ATP10A: variants seen among roughly 807,000 people sequenced by gnomAD.
The protein encoded by ATP10A is ATPase phospholipid transporting 10A (putative).
A neutral mutation model predicts 147.8 loss-of-function variants in ATP10A; 111 were observed. The observed-to-expected ratio is 0.75, with a 90% CI of 0.64 to 0.88. The LOEUF (loss-of-function observed/expected upper bound fraction) is 0.88. ATP10A is among the 40% of genes least tolerant of loss of function. ATP10A has a pLI of 0.00. For missense variants in ATP10A, 1,927 were observed against 1,959.0 expected (o/e 0.98, Z 0.31); for synonymous variants, 875 against 841.6 (o/e 1.04, Z -0.69).
At chr15:25,726,719 A>T (rs1395267845) in intron 4 of ATP10A, among the ~76,000 whole-genome samples, 1 of 150,938 alleles carries the variant, frequency 6.6e-6, no homozygotes, top group Non-Finnish European at 1.5e-5. Flanking sequence ...CTGGGATTAC[A>T]GGCGTGAGTC....
At chr15:25,829,825 G>A (rs1258449878) in intron 1 of ATP10A, among the ~76,000 whole-genome samples, 1 of 152,128 alleles carries the variant, frequency 6.6e-6, no homozygotes, top group Non-Finnish European at 1.5e-5. Context: ...GGACACAGTG[G>A]GCCACCAGGT....
intron 1 of ATP10A, chr15:25,841,880 A>T (rs1321055917): frequency 6.6e-6 from 1 of 152,242 alleles, no homozygotes; most frequent in Non-Finnish European, 1.5e-5. Context: ...ACAGAAATGC[A>T]GTCAATTCAT....
intron 13 of ATP10A, among the ~76,000 whole-genome samples, chr15:25,695,628 C>T (rs1380449684): frequency 6.6e-6 from 1 of 151,126 alleles, no homozygotes; most frequent in East Asian, 2.0e-4. Flanking sequence ...GACTCTGTCT[C>T]AAAAAAAAGA....
intron 1 of ATP10A, among the ~76,000 whole-genome samples, chr15:25,849,485 C>G (rs1380168739): frequency 6.6e-6 from 1 of 152,140 alleles, no homozygotes. Context: ...CAGACACCAC[C>G]CTCCCTCCTT....
chr15:25,703,235 G>A (rs1223156268), intron 12 of ATP10A, among the ~76,000 whole-genome samples: 1 of 152,174 alleles, frequency 6.6e-6, no homozygotes, highest in Non-Finnish European at 1.5e-5. Flanking sequence ...GTGGGTGCCT[G>A]TAATCCCAGC....
At chr15:25,795,505 C>T (rs1478498849) in intron 1 of ATP10A, among the ~76,000 whole-genome samples, 1 of 152,104 alleles carries the variant, frequency 6.6e-6, no homozygotes, top group East Asian at 1.9e-4. Flanking sequence ...TTTTGGATTT[C>T]TGATGAAGGG....
intron 15 of ATP10A, among the ~76,000 whole-genome samples, chr15:25,689,362 C>G (rs576750394): frequency 6.6e-6 from 1 of 152,222 alleles, no homozygotes; most frequent in Admixed American, 6.5e-5. Flanking sequence ...CCAGAGCTCA[C>G]GAAGACAGAA....
At chr15:25,810,442 A>G (rs1047208105) in intron 1 of ATP10A, among the ~76,000 whole-genome samples, 5 of 152,140 alleles carry the variant, frequency 3.3e-5, no homozygotes, top group African/African-American at 1.2e-4. Flanking sequence ...AAATCTGAGG[A>G]TGTCCTAGGA....
At chr15:25,783,409 T>G (rs1890016524) in intron 1 of ATP10A, among the ~76,000 whole-genome samples, 1 of 152,084 alleles carries the variant, frequency 6.6e-6, no homozygotes, top group South Asian at 2.1e-4. Context: ...TATGGAGAGT[T>G]TGCAGAGCTA....
At chr15:25,855,689 G>GCTT (rs1893488148) in intron 1 of ATP10A, among the ~76,000 whole-genome samples, 1 of 152,106 alleles carries the variant, frequency 6.6e-6, no homozygotes, top group Non-Finnish European at 1.5e-5. Flanking sequence ...TTATACTGGA[G>GCTT]CTTCTAGCCA....
Position 25,827,456 on chromosome 15 carries a change from A to G in ATP10A, c.449+35192T>C, listed in dbSNP as rs114376113. 1.5e-3 allele frequency among the ~76,000 whole-genome samples: 236 copies of G among 152,374 alleles called. 2 individuals carry two copies. Among genetic ancestry groups the G allele is most frequent in the African/African-American group, 5.5e-3 (227 of 41,592 alleles). ...CATTTACAAATCTATGTTGATGGGC[A>G]TACAAGGTATACAAGATGTAATTGA... On this transcript the variant is annotated intron_variant, in intron 1 of 20. Transcript: ENST00000555815.
chr15:25,816,567 T>C (rs768132843), intron 1 of ATP10A, among the ~76,000 whole-genome samples: 1 of 152,192 alleles, frequency 6.6e-6, no homozygotes, highest in Non-Finnish European at 1.5e-5. Context: ...AAAAATATTT[T>C]CACAAGTACT....
At chr15:25,681,436 T>C (rs1048370192) in intron 17 of ATP10A, among the ~76,000 whole-genome samples, 1 of 152,192 alleles carries the variant, frequency 6.6e-6, no homozygotes, top group African/African-American at 2.4e-5. Flanking sequence ...CCTCGCTAAA[T>C]ATGCACATAG....
upstream of ATP10A, among the ~76,000 whole-genome samples, chr15:25,863,467 A>G (rs2140933420): frequency 6.6e-6 from 1 of 152,288 alleles, no homozygotes; most frequent in African/African-American, 2.4e-5. Context: ...AAAAAGCCCG[A>G]GCTGGAAACT....
chr15:25,700,104 T>C (rs143193773), intron 13 of ATP10A, among the ~76,000 whole-genome samples: 11 of 152,298 alleles, frequency 7.2e-5, no homozygotes, highest in Admixed American at 2.6e-4. Flanking sequence ...AAGAGGATAT[T>C]TGAATGGAAA....
chr15:25,799,780 G>C (rs940200590), intron 1 of ATP10A, among the ~76,000 whole-genome samples: 1 of 152,058 alleles, frequency 6.6e-6, no homozygotes, highest in African/African-American at 2.4e-5. Flanking sequence ...AGTACATATA[G>C]CTTCAGGGCA....
At chr15:25,693,885 C>T (rs1232952392) in intron 14 of ATP10A, among the ~76,000 whole-genome samples, 2 of 152,240 alleles carry the variant, frequency 1.3e-5, no homozygotes, top group Non-Finnish European at 2.9e-5. Flanking sequence ...GAACAGGCAG[C>T]AATCTCCATG....
In ATP10A at chr15:25,807,374, G is replaced by A. The variant is rs543043109; in HGVS notation, c.450-26151C>T. 9.2e-5 allele frequency among the ~76,000 whole-genome samples: 14 copies of A among 152,360 alleles called. No individual in the cohort carries two copies. In the East Asian group the frequency reaches 2.5e-3, roughly 27 times the overall value. On this transcript the variant is annotated intron_variant, in intron 1 of 20. Transcript: ENST00000555815. ...TCTGCCTCTGTGTCCAGCCACAGGG[G>A]CCTCAAGATATATTAAAGTGAGCTT...
Position 25,714,203 on chromosome 15 carries a change from C to G in ATP10A, c.1815G>C (p.Thr605=). The change falls in exon 10 of 21, where the codon ACG becomes ACC. Residue 605 remains threonine, a synonymous_variant. Coordinates refer to ENST00000555815, the MANE Select transcript of ATP10A (RefSeq NM_024490.4). Reference sequence around the variant, plus strand: ...TGAACCTCCGCAGGAAGTCTTCTATCGTCTTCACCGGGGACTTCAGCTCAA... The same window carrying G: ...TGAACCTCCGCAGGAAGTCTTCTATGGTCTTCACCGGGGACTTCAGCTCAA... ...VRFELKSPVK[T]IEDFLRRFTP... 1 of 1,602,622 alleles carries G rather than the reference C, an allele frequency of 6.2e-7. No individual in the cohort carries two copies. The highest frequency in any genetic ancestry group is 8.5e-7 in the Non-Finnish European group (1 of 1,179,956).
Sources: gnomAD v4.1 joint callset for allele counts (sites outside exome capture counted in the v4.1 genomes callset) on GRCh38, gnomAD v4.1.1 for gene constraint, MANE v1.5 for transcripts, NCBI Gene and HGNC (gene_info 2026-07-23, HGNC 2026-07-21) for gene names.